Variants in MTMR9 observed in about 807,000 individuals in gnomAD.
MTMR9 encodes myotubularin-related protein 9.
MTMR9 carries 39 observed loss-of-function variants against 69.5 expected under a neutral mutation model. The ratio of observed to expected loss-of-function variants is 0.56; its 90% CI spans 0.43 to 0.73. The LOEUF is 0.73. Among genes scored for constraint, MTMR9 ranks in the 30% least tolerant of loss-of-function variants. The pLI is 0.00. For synonymous variants in MTMR9, 354 were observed against 240.8 expected (o/e 1.47, Z -4.35); for missense variants, 900 against 671.2 (o/e 1.34, Z -3.77).
intron 1 of MTMR9, among the ~76,000 whole-genome samples, chr8:11,288,800 C>G (rs1249429248): frequency 6.6e-6 from 1 of 152,186 alleles, no homozygotes; most frequent in Non-Finnish European, 1.5e-5. Flanking sequence ...ACAATTCTGG[C>G]TGCTGGCAGA....
chr8:11,286,653 C>G (rs1480835876), intron 1 of MTMR9, among the ~76,000 whole-genome samples: 1 of 93,336 alleles, frequency 1.1e-5, no homozygotes, highest in African/African-American at 4.5e-5. Flanking sequence ...GCAACAAGAG[C>G]AAAACTCCAT....
chr8:11,333,970 T>G, the MTMR9 span, among the ~76,000 whole-genome samples: 8 of 152,188 alleles, frequency 5.3e-5, no homozygotes, highest in Non-Finnish European at 1.2e-4. Context: ...GGGAGTGAGT[T>G]AGTTATCATG....
downstream of MTMR9, among the ~76,000 whole-genome samples, chr8:11,329,140 G>T (rs192624675): frequency 6.6e-6 from 1 of 152,316 alleles, no homozygotes; most frequent in Admixed American, 6.5e-5. Context: ...GTATATGTCT[G>T]TGTTAATCAC....
intron 6 of MTMR9, among the ~76,000 whole-genome samples, chr8:11,314,456 A>T (rs1242976884): frequency 6.6e-6 from 1 of 152,146 alleles, no homozygotes; most frequent in Non-Finnish European, 1.5e-5. Context: ...ACAGTTTATG[A>T]AGGTGTCCTT....
At chr8:11,289,918 C>A (rs565172790) in intron 1 of MTMR9, among the ~76,000 whole-genome samples, 7 of 152,316 alleles carry the variant, frequency 4.6e-5, no homozygotes, top group Non-Finnish European at 1.0e-4. Flanking sequence ...TCACAAACAA[C>A]TCTGGTAAAC....
intron 1 of MTMR9, among the ~76,000 whole-genome samples, chr8:11,289,231 G>A (rs1799295333): frequency 6.6e-6 from 1 of 152,156 alleles, no homozygotes; most frequent in African/African-American, 2.4e-5. Context: ...TCTGATTTGG[G>A]ATGTGTTTTT....
chr8:11,309,734 C>G (rs1295080558), intron 6 of MTMR9, 46 bp downstream of exon 6: 12 of 1,595,458 alleles, frequency 7.5e-6, no homozygotes, highest in African/African-American at 4.0e-5. Context: ...GCGCTGCTAA[C>G]TAGACTTTGT....
chr8:11,294,454 T>C (rs1259527020), intron 1 of MTMR9, among the ~76,000 whole-genome samples: 1 of 151,590 alleles, frequency 6.6e-6, no homozygotes, highest in Non-Finnish European at 1.5e-5. Flanking sequence ...TGGTTTTTCA[T>C]GTTTTTAAAT....
chr8:11,299,610 A>G (rs146115515), intron 2 of MTMR9, among the ~76,000 whole-genome samples: 9 of 152,286 alleles, frequency 5.9e-5, no homozygotes, highest in Admixed American at 5.2e-4. Flanking sequence ...ATTTCAAATA[A>G]TTTACATAAG....
At chr8:11,314,074 A>C (rs187592086) in intron 6 of MTMR9, among the ~76,000 whole-genome samples, 1 of 152,340 alleles carries the variant, frequency 6.6e-6, no homozygotes, top group East Asian at 1.9e-4. Flanking sequence ...CGAGTGTAGA[A>C]TAAGAGTGAG....
chr8:11,289,119 CTG>C (rs1450160949), intron 1 of MTMR9, among the ~76,000 whole-genome samples: 3 of 152,224 alleles, frequency 2.0e-5, no homozygotes, highest in Non-Finnish European at 4.4e-5. Context: ...TTGCAGTAAA[CTG>C]AGATTGCACC....
chr8:11,293,480 G>T (rs745767741), intron 1 of MTMR9, among the ~76,000 whole-genome samples: 1 of 152,146 alleles, frequency 6.6e-6, no homozygotes, highest in East Asian at 1.9e-4. Context: ...GTCCTCAATA[G>T]CCTACAGGAA....
intron 1 of MTMR9, among the ~76,000 whole-genome samples, chr8:11,287,266 A>G (rs546149236): frequency 1.2e-4 from 19 of 152,338 alleles, no homozygotes; most frequent in African/African-American, 3.6e-4. Flanking sequence ...TAGTTTCTCC[A>G]TGACCATCAA....
chr8:11,332,892 G>A (rs576485108), downstream of MTMR9, among the ~76,000 whole-genome samples: 32 of 152,248 alleles, frequency 2.1e-4, no homozygotes, highest in African/African-American at 7.0e-4. Flanking sequence ...TAGCCACCAC[G>A]CCCAGCCTTC....
At chr8:11,336,107 A>G in the MTMR9 span, among the ~76,000 whole-genome samples, 1 of 152,234 alleles carries the variant, frequency 6.6e-6, no homozygotes, top group African/African-American at 2.4e-5. Flanking sequence ...GTACAATGTA[A>G]TCAACCTTCT....
chr8:11,319,657 A>T (rs1260175296), intron 8 of MTMR9, 30 bp from the exon 9 acceptor site: 1 of 1,609,666 alleles, frequency 6.2e-7, no homozygotes, highest in South Asian at 1.1e-5. Flanking sequence ...TAAATTAATT[A>T]CTTTAATGGC....
intron 5 of MTMR9, among the ~76,000 whole-genome samples, chr8:11,309,091 T>C (rs1800086461): frequency 6.6e-6 from 1 of 152,238 alleles, no homozygotes; most frequent in Admixed American, 6.5e-5. Flanking sequence ...TAAGTGTCTC[T>C]AGGTGGGTGA....
chr8:11,297,296 C>T (rs1799595393), intron 2 of MTMR9, among the ~76,000 whole-genome samples: 1 of 152,178 alleles, frequency 6.6e-6, no homozygotes, highest in South Asian at 2.1e-4. Context: ...CACATTTCTT[C>T]CTGCCTTTGT....
chr8:11,331,517 T>C, downstream of MTMR9: 2 of 1,613,918 alleles, frequency 1.2e-6, no homozygotes, highest in Non-Finnish European at 1.7e-6. Context: ...GCAAAGGTTC[T>C]TCCACCGTAT....
Sources: gnomAD v4.1 joint callset for allele counts (sites outside exome capture counted in the v4.1 genomes callset) on GRCh38, gnomAD v4.1.1 for gene constraint, MANE v1.5 for transcripts, NCBI Gene and HGNC (gene_info 2026-07-23, HGNC 2026-07-21) for gene names.